ABCD3: variants seen among roughly 807,000 people sequenced by gnomAD.
The protein encoded by ABCD3 is ATP binding cassette subfamily D member 3.
ABCD3 carries 41 observed loss-of-function variants against 105.5 expected under a neutral mutation model. The observed-to-expected ratio is 0.39, with a 90% confidence interval of 0.30 to 0.50. The LOEUF (loss-of-function observed/expected upper bound fraction) is 0.50. Among genes scored for constraint, ABCD3 ranks in the 20% least tolerant of loss-of-function variants. The pLI, the probability that ABCD3 is intolerant of heterozygous loss-of-function variation, is 0.84. For missense variants in ABCD3, 622 were observed against 806.3 expected (o/e 0.77, Z 2.77); for synonymous variants, 258 against 269.0 (o/e 0.96, Z 0.40).
At chr1:94,419,429 AAG>A (rs999023166) in intron 1 of ABCD3, 1 of 862,928 alleles carries the variant, frequency 1.2e-6, no homozygotes, top group Admixed American at 6.2e-5. Flanking sequence ...AAAAGTAAAA[AAG>A]AGAGAGCTGA....
At chr1:94,443,257 T>C (rs1012869075) in intron 1 of ABCD3, among the ~76,000 whole-genome samples, 1 of 152,228 alleles carries the variant, frequency 6.6e-6, no homozygotes, top group African/African-American at 2.4e-5. Context: ...CCCCTTTGTA[T>C]GTCTTCTTTT....
At chr1:94,466,593 C>T (rs1205785446) in intron 3 of ABCD3, among the ~76,000 whole-genome samples, 2 of 152,122 alleles carry the variant, frequency 1.3e-5, no homozygotes, top group East Asian at 1.9e-4. Context: ...TGTACGTCCC[C>T]ACAACAAAAA....
At chr1:94,505,339 G>A (rs930231855) in intron 20 of ABCD3, among the ~76,000 whole-genome samples, 1 of 151,252 alleles carries the variant, frequency 6.6e-6, no homozygotes, top group African/African-American at 2.4e-5. Context: ...TGAGTAGTTG[G>A]AACCACAGAT....
intron 1 of ABCD3, among the ~76,000 whole-genome samples, chr1:94,438,282 T>TCACACA (rs143373197): frequency 3.7e-4 from 43 of 116,490 alleles, no homozygotes; most frequent in Non-Finnish European, 4.9e-4. Context: ...CAAGACTCCA[T>TCACACA]CACACACACA....
chr1:94,491,649 T>C (rs1000400330), intron 16 of ABCD3, among the ~76,000 whole-genome samples: 4 of 152,092 alleles, frequency 2.6e-5, no homozygotes, highest in Admixed American at 1.3e-4. Context: ...ACAGACTGTT[T>C]TATTACTGAT....
At position 94,487,501 on chromosome 1, in the gene ABCD3, T is replaced by G. The variant is rs375250806; in HGVS notation, c.898-41T>G. 10 of 1,572,970 alleles carry G rather than the reference T, an allele frequency of 6.4e-6. No homozygotes were observed. In the African/African-American group the frequency reaches 1.2e-4, roughly 19 times the overall value. ...TCCTTATAGTAGATTCAGTTTTTTA[T>G]ACAGAGAAAAAGATGGTTTTTTGTT... On this transcript the variant is annotated intron_variant, in intron 10 of 22. Coordinates refer to ENST00000370214, the MANE Select transcript of ABCD3 (RefSeq NM_002858.4).
chr1:94,409,068 C>T, the ABCD3 span, among the ~76,000 whole-genome samples: 1 of 151,654 alleles, frequency 6.6e-6, no homozygotes, highest in African/African-American at 2.4e-5. Context: ...AATCATATAT[C>T]ATCTGGGGGG....
intron 5 of ABCD3, 30 bp downstream of exon 5, chr1:94,473,865 A>G (rs1557677979): frequency 1.3e-6 from 2 of 1,568,632 alleles, no homozygotes; most frequent in Non-Finnish European, 8.8e-7. Flanking sequence ...AATCTTTTTA[A>G]CACGGGAAAT....
intron 20 of ABCD3, among the ~76,000 whole-genome samples, chr1:94,506,015 TG>T (rs748399956): frequency 1.3e-5 from 2 of 152,218 alleles, no homozygotes; most frequent in Admixed American, 6.5e-5. Context: ...ATAATTTTGA[TG>T]TTAATTTTCA....
chr1:94,478,083 T>C (rs1287937733), intron 7 of ABCD3, among the ~76,000 whole-genome samples, 176 bp from the exon 8 acceptor site: 1 of 152,214 alleles, frequency 6.6e-6, no homozygotes, highest in Admixed American at 6.5e-5. Flanking sequence ...AAAACTGTTA[T>C]CTTTCATGTA....
At chr1:94,448,156 T>C (rs1660429029) in intron 1 of ABCD3, among the ~76,000 whole-genome samples, 1 of 152,032 alleles carries the variant, frequency 6.6e-6, no homozygotes, top group African/African-American at 2.4e-5. Context: ...CACATACTAA[T>C]TGACGGACTC....
chr1:94,491,825 C>G (rs188414945), intron 16 of ABCD3, among the ~76,000 whole-genome samples: 4 of 151,978 alleles, frequency 2.6e-5, no homozygotes, highest in South Asian at 4.1e-4. Context: ...TGTTTTTGTA[C>G]GATTTGTAAG....
At chr1:94,478,838 C>A in intron 8 of ABCD3, 1 of 313,082 alleles carries the variant, frequency 3.2e-6, no homozygotes, top group Non-Finnish European at 5.3e-6. Flanking sequence ...TGTAACAGTT[C>A]CAAGAATATT....
the ABCD3 span, chr1:94,406,335 GTTTTGT>G: frequency 5.0e-5 from 9 of 179,278 alleles, no homozygotes; most frequent in Non-Finnish European, 8.3e-5. Context: ...ATAGTATTTT[GTTTTGT>G]TTTTTTTTTT....
At chr1:94,454,566 C>G (rs1261902928) in intron 1 of ABCD3, among the ~76,000 whole-genome samples, 1 of 152,118 alleles carries the variant, frequency 6.6e-6, no homozygotes, top group Non-Finnish European at 1.5e-5. Context: ...TGTGGTTTGA[C>G]TGAGGTGGTC....
intron 1 of ABCD3, among the ~76,000 whole-genome samples, chr1:94,439,260 T>G (rs1265765220): frequency 6.6e-6 from 1 of 152,208 alleles, no homozygotes; most frequent in Non-Finnish European, 1.5e-5. Context: ...TGAGGGTTGT[T>G]AACAAAGTCT....
upstream of ABCD3, among the ~76,000 whole-genome samples, chr1:94,417,929 T>C (rs1206539594): frequency 6.6e-6 from 1 of 152,178 alleles, no homozygotes. Context: ...TCCGATTGTT[T>C]GGTTTCGTCC....
intron 16 of ABCD3, among the ~76,000 whole-genome samples, chr1:94,494,166 T>C (rs562738447): frequency 2.6e-5 from 4 of 152,318 alleles, no homozygotes; most frequent in Admixed American, 2.6e-4. Flanking sequence ...ATTAATGAGT[T>C]TATTATGATA....
upstream of ABCD3, among the ~76,000 whole-genome samples, chr1:94,415,379 A>G (rs970312988): frequency 3.3e-5 from 5 of 152,296 alleles, no homozygotes; most frequent in African/African-American, 1.2e-4. Context: ...TTTAAAAATC[A>G]GAGCTCTTGG....
Sources: allele counts gnomAD v4.1 joint callset (sites outside exome capture counted in the v4.1 genomes callset), GRCh38; gene constraint gnomAD v4.1.1; transcripts MANE v1.5; gene names NCBI Gene and HGNC (gene_info 2026-07-23, HGNC 2026-07-21).